Variants in PIWIL1 observed in about 807,000 individuals in gnomAD.
PIWIL1 encodes piwi-like protein 1.
A neutral mutation model predicts 114.4 loss-of-function variants in PIWIL1; 73 were observed. That is an observed-to-expected ratio of 0.64 (90% confidence interval 0.53 to 0.78). The LOEUF (loss-of-function observed/expected upper bound fraction) is 0.78. Among genes scored for constraint, PIWIL1 ranks in the 30% least tolerant of loss-of-function variants. The probability of loss-of-function intolerance (pLI) is 0.00; values close to 1 mark genes in which losing one functional copy is unlikely to be tolerated. For missense variants in PIWIL1, 723 were observed against 1,063.1 expected, an observed-to-expected ratio of 0.68 and a Z score of 4.45; for synonymous variants, 375 against 369.0, an observed-to-expected ratio of 1.02 and a Z score of -0.19.
At chr12:130,344,978 T>G (rs1200894841) in intron 3 of PIWIL1, among the ~76,000 whole-genome samples, 1 of 152,206 alleles carries the variant, frequency 6.6e-6, no homozygotes, top group African/African-American at 2.4e-5. Flanking sequence ...GGTAATCTCT[T>G]TTACACAAGA....
chr12:130,367,135 C>T lies in PIWIL1; in HGVS notation c.2198C>T (p.Pro733Leu). The T allele has an allele frequency of 6.2e-7, 1 of 1,614,006 alleles. No individual in the cohort carries two copies. The highest frequency in any genetic ancestry group is 8.5e-7 in the Non-Finnish European group (1 of 1,179,938). Residue 733 changes from proline (P) to leucine (L), a missense_variant and splice_region_variant, in exon 19 of 21, where the codon CCT (proline) becomes CTT (leucine). Coordinates refer to ENST00000245255, the MANE Select transcript of PIWIL1 (RefSeq NM_004764.5). ...CLKSIGRGYNPRLTVIVVKKR... is the reference protein window; with the variant it reads ...CLKSIGRGYNLRLTVIVVKKR... ...TTACATTCATCATCATTTTTAAGCC[C>T]TAGACTAACGGTAATTGTGGTGAAG...
chr12:130,375,350 T>C (rs539785048), downstream of PIWIL1, among the ~76,000 whole-genome samples: 91 of 152,324 alleles, frequency 6.0e-4, no homozygotes, highest in African/African-American at 2.2e-3. Flanking sequence ...TACATGTATG[T>C]CTAGCCATTG....
chr12:130,399,485 T>C, the PIWIL1 span, among the ~76,000 whole-genome samples: 1 of 152,292 alleles, frequency 6.6e-6, no homozygotes, highest in South Asian at 2.1e-4. Flanking sequence ...AAAGGGTCTT[T>C]TTTTGTAAAA....
chr12:130,356,680 A>G (rs964142596), intron 12 of PIWIL1, among the ~76,000 whole-genome samples: 1 of 152,232 alleles, frequency 6.6e-6, no homozygotes, highest in African/African-American at 2.4e-5. Context: ...ACCTGGTCCA[A>G]GTAAGCATTT....
intron 14 of PIWIL1, among the ~76,000 whole-genome samples, chr12:130,359,048 C>G (rs1224951417): frequency 6.6e-6 from 1 of 152,158 alleles, no homozygotes; most frequent in Non-Finnish European, 1.5e-5. Flanking sequence ...TGAAAGCTTT[C>G]TAAGTTATAT....
At chr12:130,391,383 C>T in the PIWIL1 span, among the ~76,000 whole-genome samples, 3 of 152,148 alleles carry the variant, frequency 2.0e-5, no homozygotes, top group East Asian at 3.9e-4. Flanking sequence ...CAAGTCCAGC[C>T]ATCTCTACAA....
the PIWIL1 span, among the ~76,000 whole-genome samples, chr12:130,395,007 A>G: frequency 6.6e-6 from 1 of 152,124 alleles, no homozygotes; most frequent in African/African-American, 2.4e-5. Flanking sequence ...CACTTGTTTT[A>G]TTTGGCAGGG....
At chr12:130,423,656 CAAA>C in the PIWIL1 span, among the ~76,000 whole-genome samples, 7,054 of 50,500 alleles carry the variant, frequency 0.14, 257 homozygotes, top group South Asian at 0.21. Flanking sequence ...AAACAATATG[CAAA>C]AAAAAAAAAA....
At chr12:130,414,045 C>T in the PIWIL1 span, 1 of 1,435,826 alleles carries the variant, frequency 7.0e-7, no homozygotes. Flanking sequence ...TAAGTCGATA[C>T]CCTGTTGCCA....
At chr12:130,362,180 A>G (rs2073530144) in intron 16 of PIWIL1, among the ~76,000 whole-genome samples, 1 of 152,184 alleles carries the variant, frequency 6.6e-6, no homozygotes. Flanking sequence ...CTCAGGTACT[A>G]AGCCTAGTAC....
downstream of PIWIL1, among the ~76,000 whole-genome samples, chr12:130,376,576 A>C (rs543992200): frequency 1.1e-4 from 17 of 152,306 alleles, 1 homozygote; most frequent in South Asian, 3.5e-3. Flanking sequence ...AGCTCCGTAA[A>C]TCAGGACTTC....
chr12:130,371,618 C>T lies in PIWIL1; in HGVS notation c.*20C>T. On this transcript the variant is annotated 3_prime_UTR_variant, in exon 21 of 21. Transcript: ENST00000245255. ...CTCTAACCTGCAGAAGACGATGCAGCCGCTTTTCTTTTTGAAATGACTTTG... is the reference window on the plus strand; with the variant it reads ...CTCTAACCTGCAGAAGACGATGCAGTCGCTTTTCTTTTTGAAATGACTTTG... The T allele has an allele frequency of 7.1e-7, 1 of 1,409,914 alleles. No individual in the cohort carries two copies. The highest frequency in any genetic ancestry group is 9.8e-7 in the Non-Finnish European group (1 of 1,016,046). The allele number at this position is 1,409,914 out of a possible 1,614,324, so 87.3% of individuals were successfully genotyped here. A position where few individuals can be genotyped will look rare whatever the true frequency, so the allele number is the denominator to read the frequency against.
chr12:130,362,016 A>T (rs2073523440), intron 16 of PIWIL1, among the ~76,000 whole-genome samples: 1 of 152,234 alleles, frequency 6.6e-6, no homozygotes, highest in Non-Finnish European at 1.5e-5. Context: ...GAATAGTAAT[A>T]TATGAAAACT....
At chr12:130,345,985 C>T in intron 4 of PIWIL1, 107 bp downstream of exon 4, 2 of 1,205,304 alleles carry the variant, frequency 1.7e-6, no homozygotes, top group Non-Finnish European at 1.1e-6. Flanking sequence ...TCCTGCATGG[C>T]TTTTCGATTT....
chr12:130,394,855 A>AGTT, the PIWIL1 span, among the ~76,000 whole-genome samples: 376 of 92,752 alleles, frequency 4.1e-3, 2 homozygotes, highest in South Asian at 9.5e-3. Context: ...ATTTGGCAAA[A>AGTT]GTTTCTCATT....
intron 18 of PIWIL1, 149 bp from the exon 19 acceptor site, chr12:130,366,984 A>T (rs1190137033): frequency 1.1e-6 from 1 of 870,370 alleles, no homozygotes; most frequent in Non-Finnish European, 1.8e-6. Context: ...GTCAAGAGTA[A>T]GATCCTGATC....
chr12:130,374,984 G>A (rs2073855484), downstream of PIWIL1, among the ~76,000 whole-genome samples: 1 of 152,168 alleles, frequency 6.6e-6, no homozygotes, highest in Admixed American at 6.5e-5. Flanking sequence ...TCTGGAGGGT[G>A]AGGTAGGTGT....
rs1316946428 is a variant in PIWIL1 at position 130,338,128 on chromosome 12, G to A, written c.-31G>A. ...CTGAGGTGCAAGGACCAGGACTAGG[G>A]CGAGGGCAGCGGTCCAAGGTGCGGG... On this transcript the variant is annotated 5_prime_UTR_variant, in exon 1 of 21. Transcript: ENST00000245255. The A allele has an allele frequency of 3.3e-6, 1 of 303,164 alleles. No individual in the cohort carries two copies. Among genetic ancestry groups the A allele is most frequent in the Non-Finnish European group, 6.3e-6 (1 of 157,866 alleles). 18.8% of individuals were successfully genotyped at this position (303,164 alleles called of 1,614,324 possible).
the PIWIL1 span, among the ~76,000 whole-genome samples, chr12:130,389,373 G>T: frequency 6.6e-6 from 1 of 152,030 alleles, no homozygotes; most frequent in African/African-American, 2.4e-5. Context: ...GGGGTGATCT[G>T]AGTATTTGGT....
Sources: gnomAD v4.1 joint callset for allele counts (sites outside exome capture counted in the v4.1 genomes callset) on GRCh38, gnomAD v4.1.1 for gene constraint, MANE v1.5 for transcripts, NCBI Gene and HGNC (gene_info 2026-07-23, HGNC 2026-07-21) for gene names.